The following RNF17 variants were observed in gnomAD, a reference collection of about 807,000 sequenced individuals.
RNF17 encodes the protein ring finger protein 17.
A neutral mutation model predicts 200.5 loss-of-function variants in RNF17; 31 were observed. The observed-to-expected ratio is 0.15, with a 90% CI of 0.12 to 0.21. The LOEUF is 0.21. Ranked by LOEUF, RNF17 falls within the 10% of genes least tolerant of loss-of-function variation. The probability of loss-of-function intolerance (pLI) is 1.00; values close to 1 mark genes in which losing one functional copy is unlikely to be tolerated. For synonymous variants in RNF17, 606 were observed against 637.8 expected (o/e 0.95, Z 0.75); for missense variants, 1,628 against 1,905.1 (o/e 0.85, Z 2.71).
At chr13:24,796,363 A>C in intron 11 of RNF17, 68 bp downstream of exon 11, 1 of 1,028,396 alleles carries the variant, frequency 9.7e-7, no homozygotes, top group Non-Finnish European at 1.4e-6. Context: ...TGGCCAACCC[A>C]CATAAGACTT....
Position 24,802,397 on chromosome 13 carries a change from A to C in RNF17, c.1775A>C (p.Glu592Ala), listed in dbSNP as rs1252655709. ...CTTGCACAGAATGAAGGCTGGGAAG[A>C]GGAAGCTAAAGTGGAATTTTTGAAA... ...VPQNSNEGWEEEAKVEFLKMV... is the reference protein window; with the variant it reads ...VPQNSNEGWEAEAKVEFLKMV... The change falls in exon 14 of 36, where the codon GAG becomes GCG. Residue 592 changes from glutamate to alanine, a missense_variant. Around this residue, in one of 5 missense-constraint regions of RNF17, gnomAD observed 289 missense variants for 384.9 expected, o/e 0.75. Transcript: ENST00000255324. The C allele has an allele frequency of 6.2e-7, 1 of 1,612,276 alleles. No individual in the cohort carries two copies. Among genetic ancestry groups the C allele is most frequent in the East Asian group, 2.2e-5 (1 of 44,870 alleles).
chr13:24,787,454 G>T (rs1464718003), intron 6 of RNF17, among the ~76,000 whole-genome samples: 2 of 152,108 alleles, frequency 1.3e-5, no homozygotes, highest in Non-Finnish European at 2.9e-5. Flanking sequence ...CCTTGTCTTT[G>T]CAGACTGGCT....
At position 24,820,121 on chromosome 13, in the gene RNF17, CTTTTTTTTT is replaced by C. The variant is rs200683421; in HGVS notation, c.2092-5488_2092-5480del. On this transcript the variant is annotated intron_variant, in intron 15 of 35. Transcript: ENST00000255324. The stretch of plus-strand genomic sequence containing the variant: ...CTTTCTTGTCTCTTTTTTCTTTTTT[CTTTTTTTTT>C]TTTTTTTTTGAGACAAGAGTCTTGC... Among the ~76,000 whole-genome samples the C allele has an allele frequency of 3.3e-4, 37 of 113,316 alleles. 1 individual carries two copies. Among genetic ancestry groups the C allele is most frequent in the Admixed American group, 1.3e-3 (14 of 10,964 alleles). The allele number at this position is 113,316 out of a possible 152,430, so 74.3% of individuals were successfully genotyped here.
At position 24,794,675 on chromosome 13, in the gene RNF17, ATAAAT is replaced by A. The variant is rs1342935353; in HGVS notation, c.1240+1330_1240+1334del. Among the ~76,000 whole-genome samples the A allele has an allele frequency of 9.8e-5, 14 of 143,474 alleles. 1 individual carries two copies. The South Asian group carries it at 3.2e-3, about 33-fold the overall frequency. The allele number at this position is 143,474 out of a possible 152,430, so 94.1% of individuals were successfully genotyped here. A position where few individuals can be genotyped will look rare whatever the true frequency, so the allele number is the denominator to read the frequency against. ...GGGTAACAGTGAGACCTCATCTCAA[ATAAAT>A]GAATGAATGAGTGTTTTGACTCTGG... On this transcript the variant is annotated intron_variant, in intron 10 of 35. Transcript: ENST00000255324.
chr13:24,749,731 T>C, the RNF17 span, among the ~76,000 whole-genome samples: 5 of 152,060 alleles, frequency 3.3e-5, no homozygotes, highest in African/African-American at 1.2e-4. Flanking sequence ...TTGTTATTAA[T>C]TGCTCTTTTT....
At chr13:24,784,013 A>G (rs923284512) in intron 6 of RNF17, among the ~76,000 whole-genome samples, 83 of 152,168 alleles carry the variant, frequency 5.5e-4, no homozygotes, top group African/African-American at 1.8e-3. Flanking sequence ...GGGTTTTTCC[A>G]TATAGGGTCT....
intron 18 of RNF17, among the ~76,000 whole-genome samples, chr13:24,835,931 G>A (rs1889945813): frequency 6.6e-6 from 1 of 152,020 alleles, no homozygotes; most frequent in Non-Finnish European, 1.5e-5. Flanking sequence ...AGAAGTGAAG[G>A]GAGAAATATT....
At chr13:24,776,029 A>G (rs1333238932) in intron 3 of RNF17, among the ~76,000 whole-genome samples, 1 of 152,240 alleles carries the variant, frequency 6.6e-6, no homozygotes, top group African/African-American at 2.4e-5. Context: ...CATATTTAAT[A>G]TGGTAAGTAG....
At chr13:24,763,263 T>G (rs557509736), upstream of RNF17, among the ~76,000 whole-genome samples, 1 of 151,050 alleles carries the variant, frequency 6.6e-6, no homozygotes, top group Admixed American at 6.6e-5. Context: ...AGTGCAGTGG[T>G]ATGATCTCGG....
chr13:24,853,036 C>T (rs1399180352), intron 24 of RNF17, among the ~76,000 whole-genome samples: 3 of 152,170 alleles, frequency 2.0e-5, no homozygotes, highest in Non-Finnish European at 4.4e-5. Context: ...ACCTCAGCCT[C>T]CCAAGTAGCT....
chr13:24,779,142 A>C (rs117276125), intron 4 of RNF17, among the ~76,000 whole-genome samples: 2,328 of 152,230 alleles, frequency 0.015, 61 homozygotes, highest in East Asian at 0.081. Flanking sequence ...AGTTGCAGTG[A>C]GCAGAGATAG....
At chr13:24,835,255 A>C (rs1047375427) in intron 18 of RNF17, among the ~76,000 whole-genome samples, 1 of 151,840 alleles carries the variant, frequency 6.6e-6, no homozygotes, top group Non-Finnish European at 1.5e-5. Context: ...GTAGCTGAAG[A>C]GAAAGGGCAT....
chr13:24,883,318 A>G, downstream of RNF17: 1 of 1,613,940 alleles, frequency 6.2e-7, no homozygotes, highest in Non-Finnish European at 8.5e-7. Flanking sequence ...TGAACTGGGC[A>G]GTATGTAGTT....
At chr13:24,830,658 T>C in intron 17 of RNF17, 59 bp downstream of exon 17, 3 of 1,137,026 alleles carry the variant, frequency 2.6e-6, no homozygotes, top group Non-Finnish European at 2.6e-6. Context: ...GGAAGTATTT[T>C]TAGAAGCTAT....
chr13:24,781,418 G>T (rs997929431), intron 5 of RNF17, among the ~76,000 whole-genome samples: 2 of 152,020 alleles, frequency 1.3e-5, no homozygotes, highest in African/African-American at 4.8e-5. Flanking sequence ...GATCACTTGA[G>T]GCTAGGAGTT....
At chr13:24,864,395 G>A (rs1893412419) in intron 28 of RNF17, among the ~76,000 whole-genome samples, 1 of 152,210 alleles carries the variant, frequency 6.6e-6, no homozygotes, top group African/African-American at 2.4e-5. Flanking sequence ...CAGCTTATCA[G>A]TTAGGGACAC....
intron 25 of RNF17, among the ~76,000 whole-genome samples, chr13:24,854,911 G>A (rs940174918): frequency 8.5e-5 from 13 of 152,062 alleles, no homozygotes; most frequent in African/African-American, 2.2e-4. Context: ...AAGCAGCATC[G>A]CCAGAACCTA....
downstream of RNF17, among the ~76,000 whole-genome samples, chr13:24,881,065 G>C (rs577544909): frequency 1.3e-5 from 2 of 152,080 alleles, no homozygotes; most frequent in South Asian, 2.1e-4. Context: ...AGTCATCCTT[G>C]ATCAGTTGTT....
In RNF17 at chr13:24,870,650, G is replaced by A; in HGVS notation, c.4358G>A (p.Gly1453Glu). Residue 1453 changes from glycine (G) to glutamate (E), a missense_variant, in exon 32 of 36, where the codon GGG (glycine) becomes GAG (glutamate). Physicochemically the swap from Gly to Glu is moderately conservative, Grantham distance 98. Around this residue, in one of 5 missense-constraint regions of RNF17, gnomAD observed 609 missense variants for 681.9 expected, o/e 0.89. Coordinates refer to ENST00000255324, the MANE Select transcript of RNF17 (RefSeq NM_031277.3). The stretch of plus-strand genomic sequence containing the variant: ...GACACAGATGATAGTGGAGTCAGCG[G>A]GGAATCAGAATCCGAGAGCCTTGAT... ...HSDTDDSGVS[G>E]ESESESLDEA... is the part of the protein sequence containing the mutation. 1 of 1,614,112 alleles carries A rather than the reference G, an allele frequency of 6.2e-7. No individual in the cohort carries two copies. Among genetic ancestry groups the A allele is most frequent in the Non-Finnish European group, 8.5e-7 (1 of 1,179,964 alleles).
Sources: gnomAD v4.1 joint callset for allele counts (sites outside exome capture counted in the v4.1 genomes callset) on GRCh38, gnomAD v4.1.1 for gene constraint, gnomAD v4.1.1 regional missense constraint, MANE v1.5 for transcripts, NCBI Gene and HGNC (gene_info 2026-07-23, HGNC 2026-07-21) for gene names.